The following COL11A1 variants were observed in gnomAD, a reference collection of about 807,000 sequenced individuals.
COL11A1 encodes the protein collagen alpha-1(XI) chain.
Under a neutral mutation model 265.2 loss-of-function variants are expected in COL11A1, and 74 were observed. The ratio of observed to expected loss-of-function variants is 0.28; its 90% CI spans 0.23 to 0.34. COL11A1 has a LOEUF of 0.34. Among genes scored for constraint, COL11A1 ranks in the 10% least tolerant of loss-of-function variants. The pLI is 1.00. For synonymous variants in COL11A1, 816 were observed against 727.6 expected (o/e 1.12, Z -1.96); for missense variants, 2,165 against 2,263.6 (o/e 0.96, Z 0.88).
chr1:102,927,111 A>T (rs1305167582), intron 46 of COL11A1, among the ~76,000 whole-genome samples: 1 of 152,182 alleles, frequency 6.6e-6, no homozygotes, highest in Non-Finnish European at 1.5e-5. Context: ...TTTAATATCA[A>T]CACAGTAATT....
rs1558032849 is a variant in COL11A1 at position 103,078,818 on chromosome 1, C to CT, written c.327dup (p.Gly110ArgfsTer11). ...ATAGATAAAAGGAAAGACTGAATTC[C>CT]TTTTTTTGGTTTTACTGTAAATAGT... On this transcript the variant is annotated frameshift_variant, in exon 3 of 67. Transcript: ENST00000370096. LOFTEE classifies it high-confidence loss of function. The CT allele has an allele frequency of 6.2e-7, 1 of 1,612,266 alleles. No individual in the cohort carries two copies. Among genetic ancestry groups the CT allele is most frequent in the Non-Finnish European group, 8.5e-7 (1 of 1,178,922 alleles).
rs1557906706 is a variant in COL11A1 at position 102,986,643 on chromosome 1, T to C, written c.2502+990A>G. On this transcript the variant is annotated intron_variant, in intron 30 of 66. Coordinates refer to ENST00000370096, the MANE Select transcript of COL11A1 (RefSeq NM_001854.4). ...ACATTTGAATTATACCAGCAAGAGA[T>C]TACTGATATTTTGCTTTAGTGTATA... is the stretch of plus-strand genomic sequence containing the variant. 2.6e-5 allele frequency among the ~76,000 whole-genome samples: 4 copies of C among 152,278 alleles called. No homozygotes were observed. The East Asian group carries it at 5.8e-4, about 22-fold the overall frequency.
intron 24 of COL11A1, 100 bp downstream of exon 24, chr1:103,001,825 T>C (rs1665133247): frequency 9.9e-7 from 1 of 1,006,180 alleles, no homozygotes; most frequent in Non-Finnish European, 1.6e-6. Context: ...CTGAGCTATC[T>C]AGATATCTTA....
Position 103,093,252 on chromosome 1 carries a change from C to T in COL11A1, c.107-10280G>A, listed in dbSNP as rs143752420. On this transcript the variant is annotated intron_variant, in intron 1 of 66. Coordinates refer to ENST00000370096, the MANE Select transcript of COL11A1 (RefSeq NM_001854.4). ...AATCTAAAGCTGAAGAATTTAATGC[C>T]AAAAAGGGTGGTTCGATAATTTTAG... Among the ~76,000 whole-genome samples the T allele has an allele frequency of 5.5e-3, 832 of 151,890 alleles. 5 individuals are homozygous for T. Among genetic ancestry groups the T allele is most frequent in the African/African-American group, 0.019 (775 of 41,440 alleles).
chr1:103,082,714 T>C lies in COL11A1; in HGVS notation c.274+91A>G, dbSNP rs1672508032. On this transcript the variant is annotated intron_variant, in intron 2 of 66. Coordinates refer to ENST00000370096, the MANE Select transcript of COL11A1 (RefSeq NM_001854.4). Reference sequence around the variant, plus strand: ...TATCTAACCTGATAAAAATACTAATTAGTAAAGAAATACTAAAAGTAGTTT... The same window carrying C: ...TATCTAACCTGATAAAAATACTAATCAGTAAAGAAATACTAAAAGTAGTTT... The C allele has an allele frequency of 9.1e-6, 10 of 1,102,306 alleles. 1 individual carries two copies. The South Asian group carries it at 9.8e-5, about 11-fold the overall frequency. The allele number at this position is 1,102,306 out of a possible 1,614,324, so 68.3% of individuals were successfully genotyped here.
At chr1:103,064,689 C>CAA (rs35774967) in intron 4 of COL11A1, among the ~76,000 whole-genome samples, 7 of 42,792 alleles carry the variant, frequency 1.6e-4, no homozygotes, top group Non-Finnish European at 2.0e-4. Context: ...GACTCCATCT[C>CAA]AAAAAAAAAA....
At chr1:102,976,037 A>C (rs1662432056) in intron 35 of COL11A1, among the ~76,000 whole-genome samples, 1 of 152,104 alleles carries the variant, frequency 6.6e-6, no homozygotes, top group African/African-American at 2.4e-5. Flanking sequence ...AACTCTTATT[A>C]AACTATGACA....
intron 57 of COL11A1, among the ~76,000 whole-genome samples, chr1:102,895,532 T>G (rs975443886): frequency 3.3e-5 from 5 of 152,124 alleles, no homozygotes; most frequent in Non-Finnish European, 5.9e-5. Flanking sequence ...GAAGCCTGTG[T>G]AGATTTGGAT....
intron 4 of COL11A1, among the ~76,000 whole-genome samples, chr1:103,069,812 T>G (rs1444383166): frequency 6.6e-6 from 1 of 151,656 alleles, no homozygotes; most frequent in Non-Finnish European, 1.5e-5. Flanking sequence ...AATGCAGACA[T>G]CATCAGTCAA....
chr1:103,089,766 C>T (rs1267743160), intron 1 of COL11A1, among the ~76,000 whole-genome samples: 1 of 152,188 alleles, frequency 6.6e-6, no homozygotes, highest in African/African-American at 2.4e-5. Context: ...TGGAAGTGAC[C>T]TTTACCAAGA....
Position 102,984,147 on chromosome 1 carries a change from T to G in COL11A1, c.2547A>C (p.Gln849His). 6.2e-7 allele frequency: 1 copy of G among 1,600,884 alleles called. No individual in the cohort carries two copies. Among genetic ancestry groups the G allele is most frequent in the Non-Finnish European group, 8.5e-7 (1 of 1,169,670 alleles). The stretch of plus-strand genomic sequence containing the variant: ...TATCAAGCTGTTTTACCTTTGGACC[T>G]TGTCTTCCTGGATATCCTGGTAATC... ...VPGLPGYPGR[Q>H]GPKGSTGFPG... Residue 849 changes from glutamine to histidine, a missense_variant, in exon 31 of 67, where the codon CAA becomes CAC. Coordinates refer to ENST00000370096, the MANE Select transcript of COL11A1 (RefSeq NM_001854.4).
chr1:102,915,745 T>C, intron 49 of COL11A1, 61 bp from the exon 50 acceptor site: 1 of 1,306,568 alleles, frequency 7.7e-7, no homozygotes, highest in Non-Finnish European at 1.1e-6. Context: ...ATTTATAAAA[T>C]TCAAATGTTA....
At chr1:103,073,741 CTGAA>C (rs2102276425) in intron 4 of COL11A1, among the ~76,000 whole-genome samples, 1 of 151,934 alleles carries the variant, frequency 6.6e-6, no homozygotes, top group East Asian at 1.9e-4. Flanking sequence ...AGCTGATGCT[CTGAA>C]TGAACATTGT....
chr1:103,079,945 A>G (rs1344455265), intron 2 of COL11A1, among the ~76,000 whole-genome samples: 1 of 151,944 alleles, frequency 6.6e-6, no homozygotes. Context: ...GAGATCAGCA[A>G]TTCTACTTCT....
intron 4 of COL11A1, among the ~76,000 whole-genome samples, chr1:103,051,455 G>A (rs1170348515): frequency 1.3e-5 from 2 of 152,194 alleles, no homozygotes; most frequent in Non-Finnish European, 2.9e-5. Context: ...CATTGGGAAA[G>A]CACAGTATTA....
chr1:102,964,848 A>T (rs1040258047), intron 38 of COL11A1, among the ~76,000 whole-genome samples: 2 of 152,180 alleles, frequency 1.3e-5, no homozygotes, highest in Non-Finnish European at 2.9e-5. Flanking sequence ...GAAGAAAAAC[A>T]TTATTTTCTA....
At chr1:103,050,240 G>A (rs12145647) in intron 4 of COL11A1, among the ~76,000 whole-genome samples, 20,897 of 152,132 alleles carry the variant, frequency 0.14, 1,538 homozygotes, top group African/African-American at 0.15. Context: ...AGGTACACCA[G>A]TCAGAGGTAG....
intron 24 of COL11A1, 44 bp from the exon 25 acceptor site, chr1:102,998,407 A>G: frequency 1.3e-5 from 19 of 1,415,554 alleles, no homozygotes; most frequent in Non-Finnish European, 1.8e-5. Context: ...AAATAATTTT[A>G]AAAAGCTTTA....
chr1:103,082,696 C>A, intron 2 of COL11A1, 109 bp downstream of exon 2: 1 of 965,042 alleles, frequency 1.0e-6, no homozygotes, highest in South Asian at 1.6e-5. Flanking sequence ...CATTATCTAA[C>A]CTGATAAAAA....
Sources: gnomAD v4.1 joint callset for allele counts (sites outside exome capture counted in the v4.1 genomes callset) on GRCh38, gnomAD v4.1.1 for gene constraint, MANE v1.5 for transcripts, NCBI Gene and HGNC (gene_info 2026-07-23, HGNC 2026-07-21) for gene names.